Variants in ZNF45 observed in about 807,000 individuals in gnomAD.
ZNF45 encodes zinc finger protein 45.
A neutral mutation model predicts 12.0 loss-of-function variants in ZNF45; 4 were observed. The ratio of observed to expected loss-of-function variants is 0.33; its 90% CI spans 0.16 to 0.76. ZNF45 has a LOEUF of 0.76. Ranked by LOEUF, ZNF45 falls within the 30% of genes least tolerant of loss-of-function variation. ZNF45 has a pLI of 0.60. For synonymous variants in ZNF45, 272 were observed against 279.6 expected (o/e 0.97, Z 0.27); for missense variants, 700 against 813.0 (o/e 0.86, Z 1.69).
rs1439461459 is a variant in ZNF45, at chr19:43,913,920, C to T, written c.1516G>A (p.Gly506Ser). ...GEKPYKCERC[G>S]KAFSQFSSLQ... ...CTGGAGAACTGACTGAAGGCCTTACCACACCTCTCGCATTTATAGGGTTTC... is the reference window on the plus strand; with the variant it reads ...CTGGAGAACTGACTGAAGGCCTTACTACACCTCTCGCATTTATAGGGTTTC... Residue 506 changes from glycine (G) to serine (S), a missense_variant, in exon 10 of 10, where the codon GGT becomes AGT. By Grantham distance (56) the Gly-to-Ser change is moderately conservative (BLOSUM62 0). Coordinates refer to ENST00000269973, the MANE Select transcript of ZNF45 (RefSeq NM_003425.4). 1 of 1,602,568 alleles carries T rather than the reference C, an allele frequency of 6.2e-7. No individual in the cohort carries two copies. Among genetic ancestry groups the T allele is most frequent in the South Asian group, 1.1e-5 (1 of 90,598 alleles).
At chr19:43,920,754 C>G (rs1287590364) in intron 7 of ZNF45, among the ~76,000 whole-genome samples, 1 of 151,794 alleles carries the variant, frequency 6.6e-6, no homozygotes. Context: ...GCGTGCGCCA[C>G]TATGCCAGGC....
chr19:43,915,350 G>T, intron 9 of ZNF45, 150 bp from the exon 10 acceptor site: 1 of 743,716 alleles, frequency 1.3e-6, no homozygotes, highest in Non-Finnish European at 1.9e-6. Flanking sequence ...GAACAAAGTG[G>T]CCCTGTTCAA....
rs745821624 is a variant in ZNF45, at chr19:43,919,594, A to G, written c.121T>C (p.Phe41Leu). ...TCACCCACTGAGACCACATTCCTGA[A>G]GTTCTCCAGCATCACATCTCGGTAC... ...KLYRDVMLEN[F>L]RNVVSVGHQS... Residue 41 changes from phenylalanine to leucine, a missense_variant, in exon 8 of 10, where the codon TTC becomes CTC. Coordinates refer to ENST00000269973, the MANE Select transcript of ZNF45 (RefSeq NM_003425.4). 6.2e-7 allele frequency: 1 copy of G among 1,612,834 alleles called. No homozygotes were observed. Among genetic ancestry groups the G allele is most frequent in the Non-Finnish European group, 8.5e-7 (1 of 1,179,196 alleles).
chr19:43,916,710 C>G (rs761775436), intron 9 of ZNF45, among the ~76,000 whole-genome samples: 4 of 152,126 alleles, frequency 2.6e-5, no homozygotes, highest in Non-Finnish European at 4.4e-5. Context: ...CTCTGGGAGA[C>G]TTTGAGCCAA....
rs1972523153 is a variant in ZNF45, at chr19:43,915,008, T to C, written c.428A>G (p.Glu143Gly). The change falls in exon 10 of 10, where the codon GAG (glutamate) becomes GGG (glycine). Residue 143 changes from glutamate (E) to glycine (G), a missense_variant. Coordinates refer to ENST00000269973, the MANE Select transcript of ZNF45 (RefSeq NM_003425.4). ...ATGGGAACTCTGATTACTGAATCCC[T>C]CATCTTTATAGTGCAAATCATCTCG... is the stretch of plus-strand genomic sequence containing the variant. Reference protein sequence around the residue: ...EKRDDLHYKDEGFSNQSSHLQ... With the variant: ...EKRDDLHYKDGGFSNQSSHLQ... The C allele has an allele frequency of 6.2e-7, 1 of 1,608,698 alleles. No individual in the cohort carries two copies.
chr19:43,930,280 G>C lies in ZNF45; in HGVS notation c.-400+2324C>G, dbSNP rs1311937298. On this transcript the variant is annotated intron_variant, in intron 3 of 9. Coordinates refer to ENST00000269973, the MANE Select transcript of ZNF45 (RefSeq NM_003425.4). Reference sequence around the variant, plus strand: ...CTCATGACTTAATCACTTCCCAAAGGCCTCACCTCTTAATAACACCACAAT... The same window carrying C: ...CTCATGACTTAATCACTTCCCAAAGCCCTCACCTCTTAATAACACCACAAT... Among the ~76,000 whole-genome samples, 5 of 152,044 alleles carry C rather than the reference G, an allele frequency of 3.3e-5. No individual in the cohort carries two copies. The South Asian group carries it at 6.2e-4, about 19-fold the overall frequency.
In ZNF45 at chr19:43,932,708, G is replaced by C. The variant is rs1974227717; in HGVS notation, c.-486-18C>G. On this transcript the variant is annotated intron_variant, in intron 2 of 9. Transcript: ENST00000269973. ...CCTGAAGTCTAATGGGAGAGAGATA[G>C]GAAACCAAGAGTTATATGCCAGTGG... 1 of 152,160 alleles carries C rather than the reference G, an allele frequency of 6.6e-6. No homozygotes were observed. The highest frequency in any genetic ancestry group is 2.4e-5 in the African/African-American group (1 of 41,424). 9.4% of individuals were successfully genotyped at this position (152,160 alleles called of 1,614,324 possible).
At position 43,914,826 on chromosome 19, in the gene ZNF45, A is replaced by AC. The variant is rs1346200921; in HGVS notation, c.609dup (p.Phe204ValfsTer13). 6.2e-7 allele frequency: 1 copy of AC among 1,611,894 alleles called. No individual in the cohort carries two copies. Among genetic ancestry groups the AC allele is most frequent in the East Asian group, 2.2e-5 (1 of 44,778 alleles). ...CTCTGATGGGCTTGAAGACTTGAAA[A>AC]CCGACGGAAGGCATTATCACATTTT... On this transcript the variant is annotated frameshift_variant, in exon 10 of 10. Transcript: ENST00000269973. LOFTEE classifies it low-confidence loss of function (END_TRUNC).
intron 3 of ZNF45, among the ~76,000 whole-genome samples, chr19:43,931,986 G>C (rs554942952): frequency 3.4e-4 from 52 of 152,268 alleles, no homozygotes; most frequent in Middle Eastern, 6.8e-3. Flanking sequence ...AATTCTCCAA[G>C]TCATAAGAAA....
At position 43,915,222 on chromosome 19, in the gene ZNF45, G is replaced by A. The variant is rs751093166; in HGVS notation, c.236-22C>T. ...GCTCCTAAAAGGATAAAGAAAATGTGGAGATGGGGCATGTGAATAATGTTT... is the reference window on the plus strand; with the variant it reads ...GCTCCTAAAAGGATAAAGAAAATGTAGAGATGGGGCATGTGAATAATGTTT... On this transcript the variant is annotated intron_variant, in intron 9 of 9. Transcript: ENST00000269973. 2.7e-6 allele frequency: 4 copies of A among 1,473,768 alleles called. No individual in the cohort carries two copies. In the Admixed American group the frequency reaches 9.4e-5, roughly 34 times the overall value. 91.3% of individuals were successfully genotyped at this position (1,473,768 alleles called of 1,614,324 possible).
At position 43,913,769 on chromosome 19, in the gene ZNF45, T is replaced by C. The variant is rs1208045899; in HGVS notation, c.1667A>G (p.Tyr556Cys). The C allele has an allele frequency of 6.2e-6, 10 of 1,614,010 alleles. No individual in the cohort carries two copies. The highest frequency in any genetic ancestry group is 8.5e-6 in the Non-Finnish European group (10 of 1,180,002). Reference sequence around the variant, plus strand: ...GCCCTTCCCACACTCCTCACATTGATAGGGTTTCTCTCCAGTGTGGCACCT... The same window carrying C: ...GCCCTTCCCACACTCCTCACATTGACAGGGTTTCTCTCCAGTGTGGCACCT... Reference protein sequence around the residue: ...HQRCHTGEKPYQCEECGKGFC... With the variant: ...HQRCHTGEKPCQCEECGKGFC... Residue 556 changes from tyrosine to cysteine, a missense_variant, in exon 10 of 10, where the codon TAT (tyrosine) becomes TGT (cysteine). Coordinates refer to ENST00000269973, the MANE Select transcript of ZNF45 (RefSeq NM_003425.4).
rs778636550 is a variant in ZNF45 at position 43,914,393 on chromosome 19, T to C, written c.1043A>G (p.Asn348Ser). The stretch of plus-strand genomic sequence containing the variant: ...TCCTGTGTGGATTCTACAATGAATA[T>C]TAAGGTGTGAGCTGTAACTAAAGCT... ...GKSFSYSSHL[N>S]IHCRIHTGEK... Residue 348 changes from asparagine (N) to serine (S), a missense_variant, in exon 10 of 10, where the codon AAT becomes AGT. Transcript: ENST00000269973. The C allele has an allele frequency of 6.2e-7, 1 of 1,610,428 alleles. No homozygotes were observed. Among genetic ancestry groups the C allele is most frequent in the Non-Finnish European group, 8.5e-7 (1 of 1,177,594 alleles).
In ZNF45 at chr19:43,919,574, C is replaced by T. The variant is rs958812794; in HGVS notation, c.141G>A (p.Val47=). The T allele has an allele frequency of 6.2e-7, 1 of 1,611,578 alleles. No individual in the cohort carries two copies. Among genetic ancestry groups the T allele is most frequent in the African/African-American group, 1.3e-5 (1 of 74,804 alleles). ...MLENFRNVVS[V]GHQSTPDGLP... ...CAGTCAGAGAATGCCTGTCCTCACCCACTGAGACCACATTCCTGAAGTTCT... is the reference window on the plus strand; with the variant it reads ...CAGTCAGAGAATGCCTGTCCTCACCTACTGAGACCACATTCCTGAAGTTCT... The change falls in exon 8 of 10, where the codon GTG becomes GTA. Residue 47 remains valine (V), a splice_region_variant and synonymous_variant. Coordinates refer to ENST00000269973, the MANE Select transcript of ZNF45 (RefSeq NM_003425.4).
Position 43,914,758 on chromosome 19 carries a change from G to A in ZNF45, c.678C>T (p.Tyr226=). ...GATGTGACCTCTGACTAAAACTCCT[G>A]TAACTTGCATCATTTGTGTATGATT... ...RAKSYTNDAS[Y]RSFSQRSHLP... The change falls in exon 10 of 10, where the codon TAC becomes TAT. Residue 226 remains tyrosine (Y), a synonymous_variant. Coordinates refer to ENST00000269973, the MANE Select transcript of ZNF45 (RefSeq NM_003425.4). The A allele has an allele frequency of 6.2e-7, 1 of 1,614,116 alleles. No individual in the cohort carries two copies. Among genetic ancestry groups the A allele is most frequent in the Non-Finnish European group, 8.5e-7 (1 of 1,180,034 alleles).
Position 43,913,641 on chromosome 19 carries a change from G to A in ZNF45, c.1795C>T (p.Leu599Phe). The change falls in exon 10 of 10, where the codon CTT becomes TTT. Residue 599 changes from leucine to phenylalanine, a missense_variant. Leu to Phe is a conservative substitution (Grantham distance 22, BLOSUM62 0). Coordinates refer to ENST00000269973, the MANE Select transcript of ZNF45 (RefSeq NM_003425.4). ...CGKRFRQRSY[L>F]QAHQRVHTGE... The stretch of plus-strand genomic sequence containing the variant: ...GTGTGGACCCTCTGGTGGGCTTGAA[G>A]GTAGGATCTCTGTCTGAAGCGCTTA... 1 of 1,614,008 alleles carries A rather than the reference G, an allele frequency of 6.2e-7. No homozygotes were observed. The highest frequency in any genetic ancestry group is 8.5e-7 in the Non-Finnish European group (1 of 1,180,014).
At position 43,914,377 on chromosome 19, in the gene ZNF45, G is replaced by T. The variant is rs1193363111; in HGVS notation, c.1059C>A (p.Ile353=). The T allele has an allele frequency of 3.1e-6, 5 of 1,610,330 alleles. No individual in the cohort carries two copies. The highest frequency in any genetic ancestry group is 4.2e-6 in the Non-Finnish European group (5 of 1,177,914). ...YSSHLNIHCR[I]HTGEKPYKCE... ...ACTTATAGGGTTTCTCTCCTGTGTG[G>T]ATTCTACAATGAATATTAAGGTGTG... is the stretch of plus-strand genomic sequence containing the variant. The change falls in exon 10 of 10, where the codon ATC becomes ATA. Residue 353 remains isoleucine, a synonymous_variant. Coordinates refer to ENST00000269973, the MANE Select transcript of ZNF45 (RefSeq NM_003425.4).
chr19:43,913,929 C>T lies in ZNF45; in HGVS notation c.1507G>A (p.Glu503Lys), dbSNP rs765816598. 9.4e-6 allele frequency: 15 copies of T among 1,602,344 alleles called. No homozygotes were observed. Among genetic ancestry groups the T allele is most frequent in the Admixed American group, 5.1e-5 (3 of 59,132 alleles). ...IHTGEKPYKC[E>K]RCGKAFSQFS... ...TGACTGAAGGCCTTACCACACCTCT[C>T]GCATTTATAGGGTTTCTCTCCTGTG... The change falls in exon 10 of 10, where the codon GAG becomes AAG. Residue 503 changes from glutamate to lysine, a missense_variant. Transcript: ENST00000269973.
chr19:43,931,200 A>G (rs1697995070), intron 3 of ZNF45: 1 of 152,232 alleles, frequency 6.6e-6, no homozygotes, highest in Non-Finnish European at 1.5e-5. Context: ...TAAAGTATCC[A>G]TAGAAAAAGT....
chr19:43,918,959 T>G lies in ZNF45; in HGVS notation c.146A>C (p.His49Pro). Residue 49 changes from histidine (H) to proline (P), a missense_variant, in exon 9 of 10, where the codon CAT (histidine) becomes CCT (proline). Transcript: ENST00000269973. ...TGGTAGGCCATCTGGTGTGGACTGATGCCCTGTGAAAAGGCAAGGACATAG... is the reference window on the plus strand; with the variant it reads ...TGGTAGGCCATCTGGTGTGGACTGAGGCCCTGTGAAAAGGCAAGGACATAG... ...ENFRNVVSVG[H>P]QSTPDGLPQL... The G allele has an allele frequency of 6.2e-7, 1 of 1,614,048 alleles. No individual in the cohort carries two copies. Among genetic ancestry groups the G allele is most frequent in the Non-Finnish European group, 8.5e-7 (1 of 1,179,962 alleles).
Sources: gnomAD v4.1 joint callset for allele counts (sites outside exome capture counted in the v4.1 genomes callset) on GRCh38, gnomAD v4.1.1 for gene constraint, MANE v1.5 for transcripts, NCBI Gene and HGNC (gene_info 2026-07-23, HGNC 2026-07-21) for gene names.